NHSL2: variants seen among roughly 807,000 people sequenced by gnomAD.
The protein encoded by NHSL2 is NHS-like protein 2.
A neutral mutation model predicts 53.4 loss-of-function variants in NHSL2; 27 were observed. That is an observed-to-expected ratio of 0.51 (90% confidence interval 0.37 to 0.70). The LOEUF is 0.70. NHSL2 is among the 30% of genes least tolerant of loss of function. The pLI is 0.00. For missense variants in NHSL2, 892 were observed against 980.1 expected (o/e 0.91, Z 1.20); for synonymous variants, 408 against 404.1 (o/e 1.01, Z -0.12).
chrX:72,031,458 C>T (rs2042214603), intron 1 of NHSL2, among the ~76,000 whole-genome samples: 1 of 112,139 alleles, frequency 8.9e-6, no homozygotes, highest in Admixed American at 9.4e-5. Flanking sequence ...TAGCACTTAG[C>T]ACACATAAGC....
rs1296148745 is a variant in NHSL2 at position 72,143,356 on chromosome X, A to C, written c.3460A>C (p.Ser1154Arg). The C allele has an allele frequency of 1.7e-6, 2 of 1,166,750 alleles. No homozygotes were observed. Among genetic ancestry groups the C allele is most frequent in the Non-Finnish European group, 1.1e-6 (1 of 872,079 alleles). The change falls in exon 8 of 8, where the codon AGT becomes CGT. Residue 1154 changes from serine to arginine, a missense_variant. Physicochemically the swap from Ser to Arg is moderately radical, Grantham distance 110 (BLOSUM62 -1). Coordinates refer to ENST00000633930, the MANE Select transcript of NHSL2 (RefSeq NM_001013627.3). ...AAAGAACACAGCTGAGTCTCCAATCAGTGAGTCTACCGCCACTGCAGGGTC... is the reference window on the plus strand; with the variant it reads ...AAAGAACACAGCTGAGTCTCCAATCCGTGAGTCTACCGCCACTGCAGGGTC... ...PIKNTAESPI[S>R]ESTATAGSGS...
Position 72,139,460 on chromosome X carries a change from T to G in NHSL2, c.1912T>G (p.Trp638Gly), listed in dbSNP as rs144418513. The change falls in exon 6 of 8, where the codon TGG becomes GGG. Residue 638 changes from tryptophan to glycine, a missense_variant. Physicochemically the swap from Trp to Gly is radical, Grantham distance 184. Transcript: ENST00000633930. ...AGAAAGTACACAATTCTCCCACCAC[T>G]GGTATCTTACTGACTGGAAGTCTGG... is the stretch of plus-strand genomic sequence containing the variant. Reference protein sequence around the residue: ...DPESTQFSHHWYLTDWKSGDT... With the variant: ...DPESTQFSHHGYLTDWKSGDT... The G allele has an allele frequency of 4.2e-3, 5,045 of 1,208,529 alleles. 17 individuals are homozygous for G. The highest frequency in any genetic ancestry group is 5.3e-3 in the Non-Finnish European group (4,712 of 894,182).
intron 1 of NHSL2, among the ~76,000 whole-genome samples, chrX:71,913,966 AG>A (rs1309142830): frequency 8.9e-6 from 1 of 112,980 alleles, no homozygotes; most frequent in East Asian, 2.8e-4. Context: ...GGACTGGGCT[AG>A]GCTAGTTGCC....
intron 1 of NHSL2, among the ~76,000 whole-genome samples, chrX:71,956,616 T>C (rs2147845227): frequency 8.9e-6 from 1 of 111,873 alleles, no homozygotes; most frequent in East Asian, 2.8e-4. Context: ...AGTTACATTC[T>C]GGCAGGGTCA....
At chrX:72,065,142 G>A (rs184105807) in intron 1 of NHSL2, among the ~76,000 whole-genome samples, 1 of 111,966 alleles carries the variant, frequency 8.9e-6, no homozygotes, top group East Asian at 2.8e-4. Flanking sequence ...CAAGGACCAA[G>A]CATGTGGAGC....
intron 1 of NHSL2, among the ~76,000 whole-genome samples, chrX:72,029,184 A>T (rs2042201535): frequency 9.0e-6 from 1 of 111,340 alleles, no homozygotes; most frequent in Admixed American, 9.5e-5. Flanking sequence ...TCAGGACTGG[A>T]GTCATAACTG....
chrX:72,094,717 G>A (rs1365711909), intron 1 of NHSL2, among the ~76,000 whole-genome samples: 1 of 111,186 alleles, frequency 9.0e-6, no homozygotes, highest in Non-Finnish European at 1.9e-5. Context: ...GTAACCTTAT[G>A]ATTCTCGACT....
chrX:72,124,846 AC>A (rs1223938077), intron 1 of NHSL2, among the ~76,000 whole-genome samples: 3 of 110,992 alleles, frequency 2.7e-5, no homozygotes, highest in South Asian at 7.6e-4. Context: ...GGTTTTTAGG[AC>A]CCTCGCCATC....
chrX:72,035,806 T>A (rs759970636), intron 1 of NHSL2, among the ~76,000 whole-genome samples: 27 of 112,046 alleles, frequency 2.4e-4, no homozygotes, highest in Admixed American at 5.7e-4. Flanking sequence ...CTTTATTGTT[T>A]CATTTATGTT....
At chrX:72,042,776 G>T (rs1423902493) in intron 1 of NHSL2, among the ~76,000 whole-genome samples, 1 of 107,209 alleles carries the variant, frequency 9.3e-6, no homozygotes, top group Non-Finnish European at 1.9e-5. Flanking sequence ...AAAAGGAGCT[G>T]CAAGGACTTT....
At chrX:72,017,360 T>TTGCCAGCTGGCAGCAGGTGCTCGC (rs2042139942) in intron 1 of NHSL2, among the ~76,000 whole-genome samples, 1 of 112,908 alleles carries the variant, frequency 8.9e-6, no homozygotes, top group Admixed American at 9.3e-5. Context: ...CCCTTCAATG[T>TTGCCAGCTGGCAGCAGGTGCTCGC]TGCCAGCTGG....
intron 1 of NHSL2, among the ~76,000 whole-genome samples, chrX:72,125,601 G>A (rs1230364539): frequency 8.9e-6 from 1 of 111,754 alleles, no homozygotes; most frequent in Non-Finnish European, 1.9e-5. Context: ...CAGGGTTGGG[G>A]CAAGGCTGAC....
At chrX:72,113,868 T>C (rs747395113) in intron 1 of NHSL2, among the ~76,000 whole-genome samples, 1 of 112,168 alleles carries the variant, frequency 8.9e-6, no homozygotes, top group East Asian at 2.8e-4. Flanking sequence ...TGGCTCAGTG[T>C]GGGGCCTGAG....
At chrX:72,136,967 A>T in intron 4 of NHSL2, 127 bp from the exon 5 acceptor site, 3 of 565,652 alleles carry the variant, frequency 5.3e-6, no homozygotes, top group Non-Finnish European at 8.3e-6. Context: ...ATGAGGAAGA[A>T]GTGCCACCTG....
chrX:72,080,541 G>C (rs1312998354), intron 1 of NHSL2, among the ~76,000 whole-genome samples: 1 of 104,324 alleles, frequency 9.6e-6, no homozygotes, highest in Non-Finnish European at 2.0e-5. Flanking sequence ...GATCCTAAAG[G>C]ATTAATAAAA....
intron 1 of NHSL2, among the ~76,000 whole-genome samples, chrX:71,978,857 A>C (rs1322883910): frequency 9.6e-6 from 1 of 103,685 alleles, no homozygotes; most frequent in Non-Finnish European, 2.0e-5. Flanking sequence ...GGTGTGCTGC[A>C]CCCATTAGCT....
chrX:71,978,094 G>C (rs1020203418), intron 1 of NHSL2, among the ~76,000 whole-genome samples: 7 of 112,036 alleles, frequency 6.2e-5, no homozygotes, highest in Admixed American at 9.4e-5. Flanking sequence ...GTTGTTATGA[G>C]GATTAAACAA....
chrX:72,140,910 A>C (rs2042413589), intron 6 of NHSL2, 139 bp downstream of exon 6: 1 of 519,509 alleles, frequency 1.9e-6, no homozygotes, highest in Non-Finnish European at 3.1e-6. Context: ...TGAGGGTTTG[A>C]GTTACTCTAA....
chrX:72,071,775 C>T (rs2041703062), intron 1 of NHSL2, among the ~76,000 whole-genome samples: 1 of 112,235 alleles, frequency 8.9e-6, no homozygotes, highest in Admixed American at 9.4e-5. Context: ...CCCAAACTAG[C>T]ATCCTGGTAG....
Sources: gnomAD v4.1 joint callset for allele counts (sites outside exome capture counted in the v4.1 genomes callset) on GRCh38, gnomAD v4.1.1 for gene constraint, MANE v1.5 for transcripts, NCBI Gene and HGNC (gene_info 2026-07-23, HGNC 2026-07-21) for gene names.